Variants in ARHGAP26 observed in about 807,000 individuals in gnomAD.
The protein encoded by ARHGAP26 is rho GTPase-activating protein 26.
A neutral mutation model predicts 104.8 loss-of-function variants in ARHGAP26; 38 were observed. The observed-to-expected ratio is 0.36, with a 90% CI of 0.28 to 0.48. ARHGAP26 has a LOEUF of 0.48. Ranked by LOEUF, ARHGAP26 falls within the 20% of genes least tolerant of loss-of-function variation. ARHGAP26 has a pLI of 0.99. For synonymous variants in ARHGAP26, 341 were observed against 340.0 expected (o/e 1.00, Z -0.03); for missense variants, 704 against 947.9 (o/e 0.74, Z 3.38).
At chr5:142,932,910 C>G (rs1334091517) in intron 11 of ARHGAP26, among the ~76,000 whole-genome samples, 1 of 152,160 alleles carries the variant, frequency 6.6e-6, no homozygotes, top group Non-Finnish European at 1.5e-5. Flanking sequence ...TTCTACTCAG[C>G]CATATTTTAT....
Position 142,803,186 on chromosome 5 carries a change from T to C in ARHGAP26, c.154+32271T>C, listed in dbSNP as rs1762387033. 2.6e-5 allele frequency among the ~76,000 whole-genome samples: 4 copies of C among 152,258 alleles called. No individual in the cohort carries two copies. The South Asian group carries it at 8.3e-4, about 32-fold the overall frequency. ...GATCTGAGATGCCAATTAAATCTAG[T>C]GTTGCCAGATAAAATATGGGACACC... is the stretch of plus-strand genomic sequence containing the variant. On this transcript the variant is annotated intron_variant, in intron 1 of 22. Coordinates refer to ENST00000645722, the MANE Select transcript of ARHGAP26 (RefSeq NM_001135608.3).
At chr5:143,026,343 T>C (rs1781063275) in intron 12 of ARHGAP26, among the ~76,000 whole-genome samples, 1 of 152,232 alleles carries the variant, frequency 6.6e-6, no homozygotes, top group Non-Finnish European at 1.5e-5. Context: ...GATAAAGGTA[T>C]AATTTCTGGT....
At chr5:143,112,498 C>T (rs1045760055) in intron 17 of ARHGAP26, among the ~76,000 whole-genome samples, 1 of 152,156 alleles carries the variant, frequency 6.6e-6, no homozygotes, top group African/African-American at 2.4e-5. Context: ...AACTTTACTA[C>T]CTTGACTATT....
chr5:142,974,792 A>G (rs574264614), intron 11 of ARHGAP26, among the ~76,000 whole-genome samples: 30 of 152,194 alleles, frequency 2.0e-4, no homozygotes, highest in African/African-American at 5.8e-4. Flanking sequence ...CTCCTCAACT[A>G]TTTAGCATTG....
In ARHGAP26 at chr5:143,149,633, C is replaced by T. The variant is rs557318543; in HGVS notation, c.1988+2252C>T. Among the ~76,000 whole-genome samples the T allele has an allele frequency of 1.4e-4, 22 of 152,314 alleles. No individual in the cohort carries two copies. The South Asian group carries it at 3.3e-3, about 23-fold the overall frequency. ...TCTGAGAAATCTGTCGGCACACAGA[C>T]GTGCCACGGTAACAATCACCTGAGA... is the stretch of plus-strand genomic sequence containing the variant. On this transcript the variant is annotated intron_variant, in intron 20 of 22. Transcript: ENST00000645722.
At chr5:142,863,667 C>G (rs1445839947) in intron 1 of ARHGAP26, among the ~76,000 whole-genome samples, 1 of 152,138 alleles carries the variant, frequency 6.6e-6, no homozygotes. Context: ...AGTGGGAGTC[C>G]AAACCCTTGC....
intron 20 of ARHGAP26, chr5:143,202,091 G>A (rs1057451543): frequency 6.6e-6 from 1 of 151,980 alleles, no homozygotes; most frequent in South Asian, 2.1e-4. Context: ...TATGAATCTG[G>A]GTGCTCCTGT....
chr5:143,092,459 C>T (rs1352238722), intron 17 of ARHGAP26, among the ~76,000 whole-genome samples: 5 of 152,136 alleles, frequency 3.3e-5, no homozygotes, highest in African/African-American at 7.2e-5. Flanking sequence ...CCACTGCACC[C>T]GGCCACATCC....
chr5:142,816,464 C>T (rs1322120888), intron 1 of ARHGAP26, among the ~76,000 whole-genome samples: 1 of 152,132 alleles, frequency 6.6e-6, no homozygotes, highest in Non-Finnish European at 1.5e-5. Context: ...TGAGTGAAGC[C>T]ACAATTCACA....
intron 1 of ARHGAP26, among the ~76,000 whole-genome samples, chr5:142,815,995 C>T (rs539939123): frequency 4.0e-5 from 6 of 151,576 alleles, no homozygotes; most frequent in South Asian, 4.2e-4. Context: ...GATGAGGTCC[C>T]GATATGTTGC....
At chr5:143,108,854 T>C (rs986643181) in intron 17 of ARHGAP26, among the ~76,000 whole-genome samples, 1 of 152,236 alleles carries the variant, frequency 6.6e-6, no homozygotes, top group Non-Finnish European at 1.5e-5. Flanking sequence ...GAAGCTGCAA[T>C]GAGATTTACA....
rs771226861 is a variant in ARHGAP26 at position 143,054,522 on chromosome 5, C to T, written c.1369C>T (p.Leu457=). The T allele has an allele frequency of 1.2e-6, 2 of 1,608,394 alleles. No individual in the cohort carries two copies. Among genetic ancestry groups the T allele is most frequent in the African/African-American group, 1.3e-5 (1 of 74,870 alleles). Residue 457 remains leucine (L), a synonymous_variant, in exon 15 of 23, where the codon CTA becomes TTA. Coordinates refer to ENST00000645722, the MANE Select transcript of ARHGAP26 (RefSeq NM_001135608.3). ...KTITSALKTY[L]RMLPGPLMMY... is the part of the protein sequence containing the mutation. ...CATCACTAGTGCTCTGAAGACCTAC[C>T]TAAGGTAGGGACTTTCCATTTGCAA...
In ARHGAP26 at chr5:143,195,442, T is replaced by C. The variant is rs974967222; in HGVS notation, c.1989-11756T>C. On this transcript the variant is annotated intron_variant, in intron 20 of 22. Transcript: ENST00000645722. Reference sequence around the variant, plus strand: ...TCCCCCTAGTCCAAACAGGAAATATTCCCTGAAAGTAGACCATACAGGAAA... The same window carrying C: ...TCCCCCTAGTCCAAACAGGAAATATCCCCTGAAAGTAGACCATACAGGAAA... 3.3e-5 allele frequency among the ~76,000 whole-genome samples: 5 copies of C among 152,166 alleles called. No individual in the cohort carries two copies. In the East Asian group the frequency reaches 7.7e-4, roughly 23 times the overall value.
intron 10 of ARHGAP26, among the ~76,000 whole-genome samples, chr5:142,923,787 C>T (rs955618605): frequency 2.7e-5 from 4 of 150,192 alleles, no homozygotes; most frequent in Non-Finnish European, 5.9e-5. Context: ...ATTTTAGGAA[C>T]ATTCCTCTAA....
chr5:142,817,937 A>T (rs771211395), intron 1 of ARHGAP26, among the ~76,000 whole-genome samples: 5 of 152,166 alleles, frequency 3.3e-5, no homozygotes, highest in Non-Finnish European at 7.4e-5. Flanking sequence ...GAACTTTGAC[A>T]GCTTTGTTGT....
At chr5:142,978,954 A>T (rs1001115658) in intron 11 of ARHGAP26, among the ~76,000 whole-genome samples, 25 of 152,196 alleles carry the variant, frequency 1.6e-4, no homozygotes, top group Non-Finnish European at 2.9e-5. Flanking sequence ...GCTAGGGTAA[A>T]GGAAAAAGGA....
At chr5:142,923,691 C>T (rs1440471861) in intron 10 of ARHGAP26, among the ~76,000 whole-genome samples, 1 of 152,146 alleles carries the variant, frequency 6.6e-6, no homozygotes, top group Non-Finnish European at 1.5e-5. Flanking sequence ...TTTACGACTT[C>T]AGTCTCTCAT....
chr5:143,113,252 T>C (rs1402768234), intron 17 of ARHGAP26, among the ~76,000 whole-genome samples: 1 of 152,176 alleles, frequency 6.6e-6, no homozygotes, highest in African/African-American at 2.4e-5. Context: ...TCTAAACAAT[T>C]TTCAGTACCA....
chr5:142,836,403 A>C (rs1323344648), intron 1 of ARHGAP26, among the ~76,000 whole-genome samples: 1 of 152,202 alleles, frequency 6.6e-6, no homozygotes, highest in Non-Finnish European at 1.5e-5. Context: ...AGAATTCAAG[A>C]TACTCTGTAA....
Sources: gnomAD v4.1 joint callset for allele counts (sites outside exome capture counted in the v4.1 genomes callset) on GRCh38, gnomAD v4.1.1 for gene constraint, MANE v1.5 for transcripts, NCBI Gene and HGNC (gene_info 2026-07-23, HGNC 2026-07-21) for gene names.